The following PLOD2 variants were observed in gnomAD, a reference collection of about 807,000 sequenced individuals.
PLOD2 encodes lysine hydroxylase 2.
In PLOD2, 65 loss-of-function variants were observed where a neutral mutation model predicts 101.0. That is an observed-to-expected ratio of 0.64 (90% CI 0.53 to 0.79). The LOEUF (loss-of-function observed/expected upper bound fraction) is 0.79, where lower values mean the gene tolerates loss of function less well. Ranked by LOEUF, PLOD2 falls within the 30% of genes least tolerant of loss-of-function variation. The pLI is 0.00. For missense variants in PLOD2, 909 were observed against 914.6 expected (o/e 0.99, Z 0.08); for synonymous variants, 314 against 302.9 (o/e 1.04, Z -0.38).
intron 7 of PLOD2, among the ~76,000 whole-genome samples, chr3:146,096,635 A>G (rs1576589900): frequency 1.0e-5 from 1 of 96,828 alleles, no homozygotes; most frequent in African/African-American, 4.4e-5. Context: ...AAGTGAGGAA[A>G]CCCTCTGCCT....
chr3:146,112,973 A>G (rs2108074460), intron 3 of PLOD2, among the ~76,000 whole-genome samples: 1 of 152,264 alleles, frequency 6.6e-6, no homozygotes, highest in African/African-American at 2.4e-5. Flanking sequence ...TTGAAGTAAA[A>G]TAATAATAAA....
intron 17 of PLOD2, among the ~76,000 whole-genome samples, chr3:146,071,887 G>A (rs751071571): frequency 6.6e-6 from 1 of 151,526 alleles, no homozygotes; most frequent in African/African-American, 2.4e-5. Flanking sequence ...TTGAATGATT[G>A]CTTTTCATTA....
At position 146,077,180 on chromosome 3, in the gene PLOD2, G is replaced by A. The variant is rs138840755; in HGVS notation, c.1564-285C>T. The stretch of plus-strand genomic sequence containing the variant: ...CTCATTGATCCTAGATGTAGACATC[G>A]GGGAAAAAATTCCTGTTTGAAAGCA... On this transcript the variant is annotated intron_variant, in intron 14 of 19. Coordinates refer to ENST00000282903, the MANE Select transcript of PLOD2 (RefSeq NM_182943.3). 199 of 1,041,376 alleles carry A rather than the reference G, an allele frequency of 1.9e-4. No individual in the cohort carries two copies. In the African/African-American group the frequency reaches 2.4e-3, roughly 13 times the overall value. The allele number at this position is 1,041,376 out of a possible 1,614,324, so 64.5% of individuals were successfully genotyped here.
At chr3:146,095,931 T>C (rs1476314996) in intron 7 of PLOD2, among the ~76,000 whole-genome samples, 1 of 109,298 alleles carries the variant, frequency 9.1e-6, no homozygotes, top group Non-Finnish European at 1.8e-5. Flanking sequence ...CTCCCTCTGA[T>C]GCCGAGCCAA....
At chr3:146,146,302 T>C (rs546327481) in intron 1 of PLOD2, among the ~76,000 whole-genome samples, 1 of 152,264 alleles carries the variant, frequency 6.6e-6, no homozygotes, top group East Asian at 1.9e-4. Context: ...TAAAGGTGCA[T>C]TTCTCCAAGT....
chr3:146,076,837 T>C lies in PLOD2; in HGVS notation c.1622A>G (p.Asn541Ser). Residue 541 changes from asparagine to serine, a missense_variant, in exon 15 of 20, where the codon AAT (asparagine) becomes AGT (serine). By Grantham distance (46) the Asn-to-Ser change is conservative (BLOSUM62 1). Transcript: ENST00000282903. ...HEFGRLLSTANYNTSHYNNDL... is the reference protein window; with the variant it reads ...HEFGRLLSTASYNTSHYNNDL... Reference sequence around the variant, plus strand: ...ATTGTTATAATGGGAAGTATTGTAATTAGCAGTGGATAATAGCCTTCCAAA... The same window carrying C: ...ATTGTTATAATGGGAAGTATTGTAACTAGCAGTGGATAATAGCCTTCCAAA... The C allele has an allele frequency of 6.3e-7, 1 of 1,593,376 alleles. No homozygotes were observed. The highest frequency in any genetic ancestry group is 8.6e-7 in the Non-Finnish European group (1 of 1,162,304).
intron 7 of PLOD2, among the ~76,000 whole-genome samples, chr3:146,100,801 T>C (rs1258302913): frequency 6.6e-6 from 1 of 152,124 alleles, no homozygotes; most frequent in Non-Finnish European, 1.5e-5. Flanking sequence ...GAGCCTTGTA[T>C]GACAAGTTGA....
rs559077614 is a variant in PLOD2 at position 146,103,790 on chromosome 3, A to AATAC, written c.679+485_679+488dup. Among the ~76,000 whole-genome samples, 353 of 151,268 alleles carry AATAC rather than the reference A, an allele frequency of 2.3e-3. 2 individuals carry two copies. The highest frequency in any genetic ancestry group is 8.2e-3 in the African/African-American group (338 of 41,262). On this transcript the variant is annotated intron_variant, in intron 6 of 19. Coordinates refer to ENST00000282903, the MANE Select transcript of PLOD2 (RefSeq NM_182943.3). ...ATTTTATCAAGATATATGTATCTAT[A>AATAC]ATACACAGGCACATATGCATATCCA...
intron 1 of PLOD2, among the ~76,000 whole-genome samples, chr3:146,133,135 C>CA (rs1174925537): frequency 6.6e-6 from 1 of 152,068 alleles, no homozygotes; most frequent in Non-Finnish European, 1.5e-5. Context: ...GAGATCACGC[C>CA]ACTGCATTCC....
chr3:146,121,849 T>C (rs1350683481), intron 2 of PLOD2, among the ~76,000 whole-genome samples: 4 of 152,204 alleles, frequency 2.6e-5, no homozygotes, highest in Non-Finnish European at 5.9e-5. Context: ...CCCTGTACCC[T>C]TTCTCTTCAC....
chr3:146,077,719 C>A, intron 14 of PLOD2, 143 bp downstream of exon 14: 1 of 570,422 alleles, frequency 1.8e-6, no homozygotes, highest in South Asian at 2.5e-5. Context: ...ACACAAAACA[C>A]GCAAACACAC....
chr3:146,115,494 C>T (rs1937865022), intron 3 of PLOD2, among the ~76,000 whole-genome samples: 1 of 151,942 alleles, frequency 6.6e-6, no homozygotes, highest in African/African-American at 2.4e-5. Flanking sequence ...TCACCCTTCA[C>T]TCCTCTCTTT....
intron 1 of PLOD2, among the ~76,000 whole-genome samples, chr3:146,143,794 C>T (rs548262675): frequency 6.6e-6 from 1 of 152,092 alleles, no homozygotes; most frequent in African/African-American, 2.4e-5. Flanking sequence ...ACACACATAT[C>T]TTGCGTTTCT....
intron 1 of PLOD2, among the ~76,000 whole-genome samples, chr3:146,133,362 A>G (rs1171492910): frequency 6.6e-6 from 1 of 152,188 alleles, no homozygotes; most frequent in East Asian, 1.9e-4. Context: ...GTATCCATAT[A>G]CTTCAGAAAG....
intron 1 of PLOD2, among the ~76,000 whole-genome samples, chr3:146,156,563 C>G (rs777055084): frequency 5.3e-5 from 8 of 152,258 alleles, no homozygotes; most frequent in Non-Finnish European, 1.2e-4. Flanking sequence ...ACAGACCACA[C>G]AAACACAGGT....
chr3:146,122,331 G>A (rs946621600), intron 2 of PLOD2, among the ~76,000 whole-genome samples: 1 of 152,080 alleles, frequency 6.6e-6, no homozygotes, highest in Non-Finnish European at 1.5e-5. Flanking sequence ...GCCTCCTCTG[G>A]CCCTGAGATT....
intron 17 of PLOD2, 58 bp downstream of exon 17, chr3:146,072,503 T>C: frequency 9.6e-7 from 1 of 1,040,346 alleles, no homozygotes; most frequent in Non-Finnish European, 1.5e-6. Context: ...CCGAATTCTC[T>C]GAGTATCTAC....
intron 1 of PLOD2, among the ~76,000 whole-genome samples, chr3:146,148,338 G>GCGCACACACACACA (rs71633958): frequency 1.4e-5 from 2 of 146,448 alleles, no homozygotes; most frequent in African/African-American, 2.5e-5. Context: ...AGGCAGGCAC[G>GCGCACACACACACA]CACACACACA....
chr3:146,154,714 G>GAGTA (rs2032220767), intron 1 of PLOD2, among the ~76,000 whole-genome samples: 1 of 152,048 alleles, frequency 6.6e-6, no homozygotes, highest in Admixed American at 6.5e-5. Context: ...AAGAAAGGGG[G>GAGTA]AGTATATCCA....
Sources: gnomAD v4.1 joint callset for allele counts (sites outside exome capture counted in the v4.1 genomes callset) on GRCh38, gnomAD v4.1.1 for gene constraint, MANE v1.5 for transcripts, NCBI Gene and HGNC (gene_info 2026-07-23, HGNC 2026-07-21) for gene names.